Variants in ADARB1 observed in about 807,000 individuals in gnomAD.
ADARB1 encodes the protein adenosine deaminase RNA specific B1.
Under a neutral mutation model 52.4 loss-of-function variants are expected in ADARB1, and 10 were observed. The observed-to-expected ratio is 0.19, with a 90% confidence interval of 0.12 to 0.32. The LOEUF is 0.32. Among genes scored for constraint, ADARB1 ranks in the 10% least tolerant of loss-of-function variants. The probability of loss-of-function intolerance (pLI) is 1.00; values close to 1 mark genes in which losing one functional copy is unlikely to be tolerated. For missense variants in ADARB1, 643 were observed against 922.3 expected (o/e 0.70, Z 3.92); for synonymous variants, 349 against 371.1 (o/e 0.94, Z 0.68).
At position 45,222,303 on chromosome 21, in the gene ADARB1, AG is replaced by A; in HGVS notation, c.*111del. 4.0e-6 allele frequency: 3 copies of A among 741,912 alleles called. 1 individual carries two copies. The highest frequency in any genetic ancestry group is 3.8e-5 in the South Asian group (2 of 52,570). 46.0% of individuals were successfully genotyped at this position (741,912 alleles called of 1,614,324 possible). The stretch of plus-strand genomic sequence containing the variant: ...CAGGTGCATACCTTGGGGAGGGAGT[AG>A]GGGGACACGGGGGACCACCAGGTGT... On this transcript the variant is annotated 3_prime_UTR_variant, in exon 11 of 11. Coordinates refer to ENST00000348831, the MANE Select transcript of ADARB1 (RefSeq NM_001112.4).
chr21:45,078,178 G>A (rs1025134123), intron 1 of ADARB1, among the ~76,000 whole-genome samples: 1 of 152,106 alleles, frequency 6.6e-6, no homozygotes, highest in African/African-American at 2.4e-5. Context: ...TCTTTGTGAT[G>A]GAACAGGAAG....
At position 45,175,847 on chromosome 21, in the gene ADARB1, C is replaced by T. The variant is rs908348394; in HGVS notation, c.146C>T (p.Pro49Leu). 1.2e-6 allele frequency: 2 copies of T among 1,613,960 alleles called. No homozygotes were observed. Among genetic ancestry groups the T allele is most frequent in the Non-Finnish European group, 8.5e-7 (1 of 1,179,968 alleles). Residue 49 changes from proline to leucine, a missense_variant, in exon 4 of 11, where the codon CCC becomes CTC. Pro to Leu is a moderately conservative substitution (Grantham distance 98). Around this residue, in one of 2 missense-constraint regions of ADARB1, gnomAD observed 380 missense variants for 446.5 expected, o/e 0.85. Coordinates refer to ENST00000348831, the MANE Select transcript of ADARB1 (RefSeq NM_001112.4). ...CTCTCCAATGGGGGTGGTGGTGGCC[C>T]CGGCAGAAAGCGGCCCCTGGAGGAG... ...SQLSNGGGGG[P>L]GRKRPLEEGS...
At position 45,134,369 on chromosome 21, in the gene ADARB1, C is replaced by T. The variant is rs368371475; in HGVS notation, c.-48+5796C>T. ...TGTGCGCCCGACGGGGGTGTGTGCC[C>T]GACAGTGGTGTGTGCGCCCGATGGG... On this transcript the variant is annotated intron_variant, in intron 2 of 10. Coordinates refer to ENST00000348831, the MANE Select transcript of ADARB1 (RefSeq NM_001112.4). Among the ~76,000 whole-genome samples the T allele has an allele frequency of 2.7e-3, 400 of 149,376 alleles. 5 individuals are homozygous for T. The South Asian group carries it at 0.032, about 12-fold the overall frequency.
intron 8 of ADARB1, among the ~76,000 whole-genome samples, chr21:45,202,979 CTG>C (rs2146337942): frequency 6.7e-6 from 1 of 149,782 alleles, no homozygotes; most frequent in Admixed American, 6.6e-5. Context: ...CTGTGCCACA[CTG>C]TGCTGAGCGT....
At chr21:45,164,990 G>A (rs980004169) in intron 2 of ADARB1, among the ~76,000 whole-genome samples, 2 of 152,138 alleles carry the variant, frequency 1.3e-5, no homozygotes, top group African/African-American at 4.8e-5. Context: ...CCTGCTGCCC[G>A]GGATGGCCAG....
At position 45,146,286 on chromosome 21, in the gene ADARB1, C is replaced by G. The variant is rs147415253; in HGVS notation, c.-48+17713C>G. The G allele has an allele frequency of 6.6e-5, 10 of 152,334 alleles. No homozygotes were observed. In the East Asian group the frequency reaches 1.9e-3, roughly 29 times the overall value. The allele number at this position is 152,334 out of a possible 1,614,324, so 9.4% of individuals were successfully genotyped here. ...CAAGTTGTTTCTTGAATATACTTTTCTGAATTATGGCTTGCTATACAAGTT... is the reference window on the plus strand; with the variant it reads ...CAAGTTGTTTCTTGAATATACTTTTGTGAATTATGGCTTGCTATACAAGTT... On this transcript the variant is annotated intron_variant, in intron 2 of 10. Coordinates refer to ENST00000348831, the MANE Select transcript of ADARB1 (RefSeq NM_001112.4).
Position 45,142,829 on chromosome 21 carries a change from C to G in ADARB1, c.-48+14256C>G, listed in dbSNP as rs1166288669. Among the ~76,000 whole-genome samples the G allele has an allele frequency of 6.6e-6, 1 of 152,158 alleles. No homozygotes were observed. Among genetic ancestry groups the G allele is most frequent in the African/African-American group, 2.4e-5 (1 of 41,456 alleles). The stretch of plus-strand genomic sequence containing the variant: ...AGGGGCCCAGAAGGTAAGAAATTGC[C>G]TACGGCCCTTGGCTAATAGAAGAGG... On this transcript the variant is annotated intron_variant, in intron 2 of 10. Coordinates refer to ENST00000348831, the MANE Select transcript of ADARB1 (RefSeq NM_001112.4). This position sits in a 1 kb window ranked among gnomAD's most constrained non-coding sequence, Gnocchi z 4.0.
rs2088768504 is a variant in ADARB1 at position 45,129,000 on chromosome 21, G to T, written c.-48+427G>T. Among the ~76,000 whole-genome samples, 1 of 152,152 alleles carries T rather than the reference G, an allele frequency of 6.6e-6. No individual in the cohort carries two copies. The highest frequency in any genetic ancestry group is 1.5e-5 in the Non-Finnish European group (1 of 68,020). ...AATCCCAGCACATTGGGAGGCTGAG[G>T]CAGGCAGATTACTTGAGGCCAGGAG... is the stretch of plus-strand genomic sequence containing the variant. On this transcript the variant is annotated intron_variant, in intron 2 of 10. Transcript: ENST00000348831. This position sits in a 1 kb window ranked among gnomAD's most constrained non-coding sequence, Gnocchi z 4.6.
Position 45,151,012 on chromosome 21 carries a change from A to G in ADARB1, c.-47-20598A>G, listed in dbSNP as rs147759149. Among the ~76,000 whole-genome samples, 556 of 152,332 alleles carry G rather than the reference A, an allele frequency of 3.6e-3. 3 individuals carry two copies. Among genetic ancestry groups the G allele is most frequent in the South Asian group, 0.017 (84 of 4,826 alleles). On this transcript the variant is annotated intron_variant, in intron 2 of 10. Transcript: ENST00000348831. ...CTGTCCCTGGGTCATGCAAGCAGGAACAAAGGGTCAGGCAGAGAGAGAGAG... is the reference window on the plus strand; with the variant it reads ...CTGTCCCTGGGTCATGCAAGCAGGAGCAAAGGGTCAGGCAGAGAGAGAGAG...
chr21:45,182,354 GT>G (rs1759478970), intron 5 of ADARB1, among the ~76,000 whole-genome samples: 1 of 152,198 alleles, frequency 6.6e-6, no homozygotes, highest in Admixed American at 6.5e-5. Flanking sequence ...AATGACGATG[GT>G]TGGCTTTCCA....
chr21:45,218,438 G>A (rs1043855907), intron 9 of ADARB1, among the ~76,000 whole-genome samples: 2 of 152,144 alleles, frequency 1.3e-5, no homozygotes, highest in African/African-American at 2.4e-5. Context: ...TGAATGTCAG[G>A]CACTTTTCCA....
intron 1 of ADARB1, among the ~76,000 whole-genome samples, chr21:45,123,293 G>GTGTA (rs2088320674): frequency 6.6e-6 from 1 of 151,066 alleles, no homozygotes; most frequent in South Asian, 2.1e-4. Flanking sequence ...GTGTGTGTGT[G>GTGTA]TATAATTAAT....
At position 45,207,269 on chromosome 21, in the gene ADARB1, A is replaced by G. The variant is rs188563328; in HGVS notation, c.1747+2533A>G. 5.5e-4 allele frequency among the ~76,000 whole-genome samples: 84 copies of G among 152,296 alleles called. 1 individual carries two copies. The highest frequency in any genetic ancestry group is 7.9e-4 in the Non-Finnish European group (54 of 68,016). ...TTTTGGTAAATGCTTTATTTTGGAA[A>G]TGGGTTTTTGTTGTTGTTTCCCTGA... On this transcript the variant is annotated intron_variant, in intron 9 of 10. Transcript: ENST00000348831.
At chr21:45,164,541 G>A (rs1418671308) in intron 2 of ADARB1, among the ~76,000 whole-genome samples, 2 of 151,438 alleles carry the variant, frequency 1.3e-5, no homozygotes, top group African/African-American at 2.4e-5. Flanking sequence ...AGGGAGCGGG[G>A]CGGTGGGGTG....
At position 45,076,606 on chromosome 21, in the gene ADARB1, A is replaced by G. The variant is rs553267402; in HGVS notation, c.-220+1813A>G. Among the ~76,000 whole-genome samples, 16 of 152,348 alleles carry G rather than the reference A, an allele frequency of 1.1e-4. No individual in the cohort carries two copies. In the South Asian group the frequency reaches 3.1e-3, roughly 30 times the overall value. On this transcript the variant is annotated intron_variant, in intron 1 of 10. Transcript: ENST00000348831. ...TGTCTCTGGTGTGACGTGCTCATGC[A>G]GTTGTTACTGGGAGGCCAAGGGGGA...
In ADARB1 at chr21:45,225,691, CTT is replaced by C. The variant is rs2093049407; in HGVS notation, c.*3496_*3497del. ...AGTGGCTCTTTTTCCTTCTCAAACA[CTT>C]TACCCCAGAAGCAGGTGGTCTGCCC... is the stretch of plus-strand genomic sequence containing the variant. On this transcript the variant is annotated 3_prime_UTR_variant, in exon 11 of 11. Coordinates refer to ENST00000348831, the MANE Select transcript of ADARB1 (RefSeq NM_001112.4). 2.5e-6 allele frequency: 2 copies of C among 805,040 alleles called. No homozygotes were observed. Among genetic ancestry groups the C allele is most frequent in the East Asian group, 3.1e-5 (1 of 32,482 alleles). 49.9% of individuals were successfully genotyped at this position (805,040 alleles called of 1,614,324 possible).
chr21:45,191,299 T>C (rs2092274483), intron 8 of ADARB1, among the ~76,000 whole-genome samples: 1 of 152,250 alleles, frequency 6.6e-6, no homozygotes, highest in East Asian at 1.9e-4. Flanking sequence ...GTTATTTTTC[T>C]TTATTCCTGC....
intron 1 of ADARB1, among the ~76,000 whole-genome samples, chr21:45,098,582 A>C (rs1281221796): frequency 5.9e-5 from 9 of 151,786 alleles, no homozygotes; most frequent in Non-Finnish European, 5.9e-5. Flanking sequence ...AATCATCCCC[A>C]CCCTGCCTCT....
chr21:45,185,247 T>C (rs753854557), intron 8 of ADARB1, among the ~76,000 whole-genome samples, 156 bp downstream of exon 8: 52 of 152,254 alleles, frequency 3.4e-4, no homozygotes, highest in Non-Finnish European at 7.2e-4. Context: ...TCTAAACAGG[T>C]GCTGCTGGGA....
Sources: gnomAD v4.1 joint callset for allele counts (sites outside exome capture counted in the v4.1 genomes callset) on GRCh38, gnomAD v4.1.1 for gene constraint, gnomAD v4.1.1 regional missense constraint, Gnocchi (gnomAD v3.1) non-coding constraint, MANE v1.5 for transcripts, NCBI Gene and HGNC (gene_info 2026-07-23, HGNC 2026-07-21) for gene names.